The following KIAA0040 variants were observed in gnomAD, a reference collection of about 807,000 sequenced individuals.
KIAA0040 encodes the protein uncharacterized protein KIAA0040.
In KIAA0040, 10 loss-of-function variants were observed where a neutral mutation model predicts 7.2. The observed-to-expected ratio is 1.38, with a 90% CI of 0.85 to 2.34. The LOEUF is 2.34. Among genes scored for constraint, KIAA0040 ranks in the 30% most tolerant of loss-of-function variants. The pLI is 0.00. For missense variants in KIAA0040, 89 were observed against 108.2 expected, an observed-to-expected ratio of 0.82 and a Z score of 0.79; for synonymous variants, 49 against 40.1, an observed-to-expected ratio of 1.22 and a Z score of -0.84.
At position 175,158,509 on chromosome 1, in the gene KIAA0040, C is replaced by T. The variant is rs1415651347; in HGVS notation, c.*2205G>A. 1 of 152,180 alleles carries T rather than the reference C, an allele frequency of 6.6e-6. No homozygotes were observed. The highest frequency in any genetic ancestry group is 1.5e-5 in the Non-Finnish European group (1 of 68,072). 9.4% of individuals were successfully genotyped at this position (152,180 alleles called of 1,614,324 possible). A position where few individuals can be genotyped will look rare whatever the true frequency, so the allele number is the denominator to read the frequency against. On this transcript the variant is annotated 3_prime_UTR_variant, in exon 4 of 4. Coordinates refer to ENST00000423313, the MANE Select transcript of KIAA0040 (RefSeq NM_014656.3). Reference sequence around the variant, plus strand: ...GTCTCAGCTGTCAGCCTCCACCTCTCCCCAGCCATCCATTCTAGGGGGACT... The same window carrying T: ...GTCTCAGCTGTCAGCCTCCACCTCTTCCCAGCCATCCATTCTAGGGGGACT...
chr1:175,174,310 G>T (rs1357348070), intron 2 of KIAA0040, among the ~76,000 whole-genome samples: 2 of 152,168 alleles, frequency 1.3e-5, no homozygotes, highest in Non-Finnish European at 2.9e-5. Flanking sequence ...TAAGGATGAG[G>T]GATGTTTGCA....
chr1:175,181,044 G>A (rs1677421254), intron 1 of KIAA0040, among the ~76,000 whole-genome samples: 1 of 151,978 alleles, frequency 6.6e-6, no homozygotes, highest in East Asian at 1.9e-4. Flanking sequence ...TAGAGACAGG[G>A]TCTTCCTATG....
At chr1:175,183,631 C>T (rs1057421903) in intron 1 of KIAA0040, among the ~76,000 whole-genome samples, 3 of 152,178 alleles carry the variant, frequency 2.0e-5, no homozygotes, top group Admixed American at 6.5e-5. Flanking sequence ...GTAAGTTGGT[C>T]GGACATCTGG....
chr1:175,168,070 C>A (rs1189171358), intron 2 of KIAA0040, among the ~76,000 whole-genome samples: 1 of 152,134 alleles, frequency 6.6e-6, no homozygotes, highest in African/African-American at 2.4e-5. Context: ...GATAATATCA[C>A]ACACTTCAGA....
chr1:175,168,318 G>A (rs757144363), intron 2 of KIAA0040, among the ~76,000 whole-genome samples: 1 of 151,970 alleles, frequency 6.6e-6, no homozygotes, highest in Non-Finnish European at 1.5e-5. Context: ...TCTGAAATAG[G>A]TATCTACATT....
chr1:175,163,232 C>T lies in KIAA0040; in HGVS notation c.-133-2086G>A, dbSNP rs997154570. On this transcript the variant is annotated intron_variant, in intron 3 of 3. Coordinates refer to ENST00000423313, the MANE Select transcript of KIAA0040 (RefSeq NM_014656.3). Reference sequence around the variant, plus strand: ...GAATCTTACAATATTTGGCTATTCCCCAGATTAACTTAAATGCTTATCCCA... The same window carrying T: ...GAATCTTACAATATTTGGCTATTCCTCAGATTAACTTAAATGCTTATCCCA... 5.6e-4 allele frequency among the ~76,000 whole-genome samples: 86 copies of T among 152,332 alleles called. 1 individual carries two copies. Among genetic ancestry groups the T allele is most frequent in the African/African-American group, 2.0e-3 (83 of 41,576 alleles).
At chr1:175,179,746 CTGTAATTTG>C (rs1338200054) in intron 1 of KIAA0040, among the ~76,000 whole-genome samples, 13 of 152,304 alleles carry the variant, frequency 8.5e-5, no homozygotes, top group Admixed American at 7.8e-4. Context: ...CTTCAATCTA[CTGTAATTTG>C]TAGAGGGGAG....
chr1:175,173,876 C>T (rs1224605848), intron 2 of KIAA0040, among the ~76,000 whole-genome samples: 3 of 152,260 alleles, frequency 2.0e-5, no homozygotes, highest in Non-Finnish European at 4.4e-5. Context: ...GTCCAACCCA[C>T]AGGCACTTTT....
chr1:175,183,963 A>G (rs1677549225), intron 1 of KIAA0040, among the ~76,000 whole-genome samples: 1 of 152,210 alleles, frequency 6.6e-6, no homozygotes, highest in East Asian at 1.9e-4. Context: ...GTATGGAAAA[A>G]AATGGAAGCA....
At chr1:175,170,964 TTG>T (rs1676968712) in intron 2 of KIAA0040, among the ~76,000 whole-genome samples, 1 of 152,252 alleles carries the variant, frequency 6.6e-6, no homozygotes, top group Admixed American at 6.5e-5. Flanking sequence ...CTTCTGGACC[TTG>T]TCTGGTACTC....
At chr1:175,161,873 C>T (rs1296836331) in intron 3 of KIAA0040, among the ~76,000 whole-genome samples, 16 of 152,210 alleles carry the variant, frequency 1.1e-4, no homozygotes, top group Admixed American at 1.0e-3. Context: ...CTTCCTCTTC[C>T]TCATTACCCT....
intron 2 of KIAA0040, among the ~76,000 whole-genome samples, chr1:175,176,785 T>C (rs1677217263): frequency 6.7e-6 from 1 of 148,754 alleles, no homozygotes; most frequent in South Asian, 2.2e-4. Context: ...GCAGATATTC[T>C]TGTCCCTAGG....
chr1:175,166,157 C>T (rs1272866645), intron 3 of KIAA0040, among the ~76,000 whole-genome samples: 1 of 152,076 alleles, frequency 6.6e-6, no homozygotes, highest in African/African-American at 2.4e-5. Flanking sequence ...TGTGGGGGGC[C>T]ATTTTATAAC....
chr1:175,188,292 C>T (rs1677740413), intron 1 of KIAA0040, among the ~76,000 whole-genome samples: 1 of 152,112 alleles, frequency 6.6e-6, no homozygotes, highest in African/African-American at 2.4e-5. Context: ...CATTAAATGT[C>T]CACTCATGTC....
At chr1:175,178,418 TAAA>T (rs994890790) in intron 1 of KIAA0040, among the ~76,000 whole-genome samples, 1 of 152,200 alleles carries the variant, frequency 6.6e-6, no homozygotes, top group African/African-American at 2.4e-5. Flanking sequence ...GTCCCTATAA[TAAA>T]AATAATGCTG....
Position 175,161,056 on chromosome 1 carries a change from A to C in KIAA0040, c.-43T>G. The stretch of plus-strand genomic sequence containing the variant: ...GGGCCAGAGAACCCTCTCGGCTTAC[A>C]AGCAGGTCCTGGGCTCAAAAGGATG... On this transcript the variant is annotated 5_prime_UTR_variant, in exon 4 of 4. Coordinates refer to ENST00000423313, the MANE Select transcript of KIAA0040 (RefSeq NM_014656.3). The C allele has an allele frequency of 6.6e-7, 1 of 1,511,496 alleles. No homozygotes were observed. Among genetic ancestry groups the C allele is most frequent in the Non-Finnish European group, 8.9e-7 (1 of 1,126,840 alleles). 93.6% of individuals were successfully genotyped at this position (1,511,496 alleles called of 1,614,324 possible).
At chr1:175,176,412 T>C (rs965660319) in intron 2 of KIAA0040, 2 of 152,302 alleles carry the variant, frequency 1.3e-5, no homozygotes, top group South Asian at 2.1e-4. Context: ...CTGTGGAATG[T>C]TCAGTGTGGT....
At chr1:175,173,103 A>T (rs968991456) in intron 2 of KIAA0040, among the ~76,000 whole-genome samples, 1 of 151,990 alleles carries the variant, frequency 6.6e-6, no homozygotes, top group Non-Finnish European at 1.5e-5. Flanking sequence ...CTTTATTTCC[A>T]TTCACTCCCA....
At position 175,160,799 on chromosome 1, in the gene KIAA0040, TTCTTCTTCTTCTTCTTCTTG is replaced by T; in HGVS notation, c.195_214del (p.Asn65LysfsTer6). The T allele has an allele frequency of 6.5e-7, 1 of 1,542,670 alleles. No individual in the cohort carries two copies. The highest frequency in any genetic ancestry group is 2.4e-5 in the East Asian group (1 of 40,882). On this transcript the variant is annotated frameshift_variant, in exon 4 of 4. Transcript: ENST00000423313. LOFTEE classifies it high-confidence loss of function. The stretch of plus-strand genomic sequence containing the variant: ...GAGGTCTTCTTCATCCTTCTTCTTC[TTCTTCTTCTTCTTCTTCTTG>T]TTCTTCTCTGGCTGCTGGCCCCTCT...
Sources: gnomAD v4.1 joint callset for allele counts (sites outside exome capture counted in the v4.1 genomes callset) on GRCh38, gnomAD v4.1.1 for gene constraint, MANE v1.5 for transcripts, NCBI Gene and HGNC (gene_info 2026-07-23, HGNC 2026-07-21) for gene names.